The following SLC12A2 variants were observed in gnomAD, a reference collection of about 807,000 sequenced individuals.
SLC12A2 encodes solute carrier family 12 member 2, also known as Na-K-2Cl cotransporter 1.
SLC12A2 carries 67 observed loss-of-function variants against 136.3 expected under a neutral mutation model. The ratio of observed to expected loss-of-function variants is 0.49; its 90% CI spans 0.40 to 0.60. SLC12A2 has a LOEUF of 0.60. SLC12A2 is among the 20% of genes least tolerant of loss of function. The pLI is 0.00. For missense variants in SLC12A2, 1,322 were observed against 1,534.7 expected (o/e 0.86, Z 2.32); for synonymous variants, 619 against 562.9 (o/e 1.10, Z -1.41).
At chr5:128,098,636 T>G (rs1049275243) in intron 1 of SLC12A2, among the ~76,000 whole-genome samples, 4 of 148,256 alleles carry the variant, frequency 2.7e-5, no homozygotes, top group Non-Finnish European at 5.9e-5. Context: ...TTGTTGTTGG[T>G]TTTTTTTTGT....
chr5:128,139,782 C>G (rs957374360), intron 9 of SLC12A2, among the ~76,000 whole-genome samples: 9 of 152,104 alleles, frequency 5.9e-5, no homozygotes, highest in Admixed American at 2.0e-4. Flanking sequence ...ATCATAAACT[C>G]CAAGCCCATA....
At chr5:128,126,946 A>ATG in intron 4 of SLC12A2, among the ~76,000 whole-genome samples, 1 of 24,388 alleles carries the variant, frequency 4.1e-5, no homozygotes, top group Non-Finnish European at 7.2e-5. Flanking sequence ...ACCTACATAT[A>ATG]TATATATATA....
chr5:128,146,745 A>G (rs1373262499), intron 10 of SLC12A2, among the ~76,000 whole-genome samples: 1 of 151,722 alleles, frequency 6.6e-6, no homozygotes, highest in Admixed American at 6.6e-5. Flanking sequence ...AAATATTTCC[A>G]CATTTAGCTC....
intron 1 of SLC12A2, among the ~76,000 whole-genome samples, chr5:128,105,356 C>G (rs1025006274): frequency 1.3e-5 from 2 of 152,144 alleles, no homozygotes; most frequent in East Asian, 1.9e-4. Context: ...GGTATAGGAC[C>G]AAGTGCTAAA....
At chr5:128,163,492 G>T (rs564184049) in intron 17 of SLC12A2, among the ~76,000 whole-genome samples, 1 of 151,942 alleles carries the variant, frequency 6.6e-6, no homozygotes, top group Non-Finnish European at 1.5e-5. Flanking sequence ...TCATGCCACC[G>T]CACTCCAGTT....
chr5:128,083,857 T>C lies in SLC12A2; in HGVS notation c.-98T>C. 1 of 899,452 alleles carries C rather than the reference T, an allele frequency of 1.1e-6. No homozygotes were observed. Among genetic ancestry groups the C allele is most frequent in the South Asian group, 5.8e-5 (1 of 17,342 alleles). 55.7% of individuals were successfully genotyped at this position (899,452 alleles called of 1,614,324 possible). On this transcript the variant is annotated 5_prime_UTR_variant, in exon 1 of 27. Transcript: ENST00000262461. ...CGGCGGGGAGAAAGACTCTCTCACCTGGTCTTGCGGCTGTGGCCACCGCCG... is the reference window on the plus strand; with the variant it reads ...CGGCGGGGAGAAAGACTCTCTCACCCGGTCTTGCGGCTGTGGCCACCGCCG...
chr5:128,170,376 C>T lies in SLC12A2; in HGVS notation c.2724-1291C>T, dbSNP rs367799499. On this transcript the variant is annotated intron_variant, in intron 18 of 26. Coordinates refer to ENST00000262461, the MANE Select transcript of SLC12A2 (RefSeq NM_001046.3). ...TCCAGTGACTTTGTTAACTTTAGCT[C>T]ATCATAGGAATGTGGCCAAATTGTC... 9.2e-5 allele frequency: 14 copies of T among 152,262 alleles called. No individual in the cohort carries two copies. In the East Asian group the frequency reaches 2.7e-3, roughly 29 times the overall value. The allele number at this position is 152,262 out of a possible 1,614,324, so 9.4% of individuals were successfully genotyped here. A position where few individuals can be genotyped will look rare whatever the true frequency, so the allele number is the denominator to read the frequency against.
chr5:128,109,740 TC>T, intron 1 of SLC12A2: 1 of 1,121,074 alleles, frequency 8.9e-7, no homozygotes, highest in Non-Finnish European at 1.4e-6. Flanking sequence ...AGAGTTGGAG[TC>T]CAGGTTTTAG....
intron 16 of SLC12A2, among the ~76,000 whole-genome samples, chr5:128,159,714 G>T (rs1762974557): frequency 6.6e-6 from 1 of 152,144 alleles, no homozygotes; most frequent in Non-Finnish European, 1.5e-5. Context: ...AGTTAGAAGG[G>T]CAATCATTAA....
intron 18 of SLC12A2, 140 bp downstream of exon 18, chr5:128,168,007 T>G: frequency 1.8e-6 from 1 of 550,286 alleles, no homozygotes; most frequent in South Asian, 2.8e-5. Context: ...ACAAAGCATC[T>G]GGGTTTTAAA....
At chr5:128,147,588 A>T in intron 10 of SLC12A2, 34 bp from the exon 11 acceptor site, 1 of 1,365,594 alleles carries the variant, frequency 7.3e-7, no homozygotes, top group Non-Finnish European at 1.0e-6. Context: ...TGTTTGTGAG[A>T]TTTATTTTTC....
Position 128,141,909 on chromosome 5 carries a change from C to A in SLC12A2, c.1701C>A (p.Ala567=). ...AGCTAACAAACTGTACTTCTGCAGC[C>A]TGCAAATTAAACTTTGATTTTTCAT... ...VTELTNCTSA[A]CKLNFDFSSC... Residue 567 remains alanine (A), a synonymous_variant, in exon 10 of 27, where the codon GCC becomes GCA. Coordinates refer to ENST00000262461, the MANE Select transcript of SLC12A2 (RefSeq NM_001046.3). 5 of 1,613,966 alleles carry A rather than the reference C, an allele frequency of 3.1e-6. No individual in the cohort carries two copies. Among genetic ancestry groups the A allele is most frequent in the Non-Finnish European group, 4.2e-6 (5 of 1,179,882 alleles).
intron 5 of SLC12A2, among the ~76,000 whole-genome samples, chr5:128,133,545 TA>T (rs1344553182): frequency 1.3e-5 from 2 of 152,122 alleles, no homozygotes; most frequent in African/African-American, 4.8e-5. Context: ...TCAAAACAAC[TA>T]AATTATGTTT....
At chr5:128,181,110 T>C in intron 23 of SLC12A2, 116 bp downstream of exon 23, 1 of 701,572 alleles carries the variant, frequency 1.4e-6, no homozygotes. Flanking sequence ...TGCTTTGTTC[T>C]TTACTGAAGT....
At chr5:128,109,862 T>G (rs542161399) in intron 1 of SLC12A2, 1 of 788,992 alleles carries the variant, frequency 1.3e-6, no homozygotes, top group Non-Finnish European at 2.3e-6. Context: ...CCCATGTATT[T>G]TAAAAGAGCC....
intron 15 of SLC12A2, 106 bp from the exon 16 acceptor site, chr5:128,157,947 C>A (rs1384222620): frequency 1.2e-6 from 1 of 834,366 alleles, no homozygotes. Context: ...TGGCCTGTGT[C>A]TTAAGGACAG....
At chr5:128,183,465 T>C (rs1372821407) in intron 24 of SLC12A2, among the ~76,000 whole-genome samples, 1 of 152,128 alleles carries the variant, frequency 6.6e-6, no homozygotes, top group African/African-American at 2.4e-5. Context: ...TCCTTTTAGA[T>C]AGAAAATAGT....
intron 16 of SLC12A2, among the ~76,000 whole-genome samples, chr5:128,159,657 A>G (rs187308355): frequency 7.3e-4 from 111 of 152,356 alleles, no homozygotes; most frequent in African/African-American, 2.2e-3. Flanking sequence ...GTCACTGGTC[A>G]TTAGAGAAAT....
chr5:128,104,640 GAA>G (rs564503110), intron 1 of SLC12A2, among the ~76,000 whole-genome samples: 83 of 138,636 alleles, frequency 6.0e-4, no homozygotes, highest in Middle Eastern at 3.5e-3. Context: ...TCAAAAAAAA[GAA>G]AAAAAAATAT....
Sources: gnomAD v4.1 joint callset for allele counts (sites outside exome capture counted in the v4.1 genomes callset) on GRCh38, gnomAD v4.1.1 for gene constraint, MANE v1.5 for transcripts, NCBI Gene and HGNC (gene_info 2026-07-23, HGNC 2026-07-21) for gene names.